The following FOXP2 variants were observed in gnomAD, a reference collection of about 807,000 sequenced individuals.
FOXP2 encodes forkhead box P2, also known as forkhead box protein P2.
FOXP2 carries 12 observed loss-of-function variants against 115.8 expected under a neutral mutation model. The observed-to-expected ratio is 0.10, with a 90% confidence interval of 0.07 to 0.17. The LOEUF is 0.17. FOXP2 is among the 10% of genes least tolerant of loss of function. The pLI is 1.00. For synonymous variants in FOXP2, 328 were observed against 297.7 expected (o/e 1.10, Z -1.05); for missense variants, 629 against 843.5 (o/e 0.75, Z 3.15).
At chr7:114,608,520 C>G (rs1043033873) in intron 3 of FOXP2, among the ~76,000 whole-genome samples, 5 of 152,152 alleles carry the variant, frequency 3.3e-5, no homozygotes, top group Non-Finnish European at 4.4e-5. Flanking sequence ...ATCTCATCAC[C>G]TGAGCTATAT....
At chr7:114,495,107 A>C (rs1048062800) in intron 2 of FOXP2, among the ~76,000 whole-genome samples, 3 of 152,198 alleles carry the variant, frequency 2.0e-5, no homozygotes, top group East Asian at 1.9e-4. Context: ...CCCTTACCAC[A>C]TACACAAACT....
intron 1 of FOXP2, among the ~76,000 whole-genome samples, chr7:114,267,667 C>G (rs1387200406): frequency 6.6e-6 from 1 of 150,772 alleles, no homozygotes; most frequent in African/African-American, 2.4e-5. Flanking sequence ...GCAGAGGTTG[C>G]GGTGAGCCAA....
chr7:114,169,202 A>G (rs1180736040), intron 1 of FOXP2, among the ~76,000 whole-genome samples: 3 of 152,206 alleles, frequency 2.0e-5, no homozygotes, highest in African/African-American at 7.2e-5. Context: ...CCCCCAGAAC[A>G]GTAGATCCAC....
intron 2 of FOXP2, among the ~76,000 whole-genome samples, chr7:114,435,918 A>T (rs2129209609): frequency 6.6e-6 from 1 of 152,294 alleles, no homozygotes; most frequent in East Asian, 1.9e-4. Flanking sequence ...TGGCAGATTT[A>T]TATTTTTGAA....
At chr7:114,371,366 A>G (rs1422911185) in intron 2 of FOXP2, among the ~76,000 whole-genome samples, 1 of 151,896 alleles carries the variant, frequency 6.6e-6, no homozygotes, top group Admixed American at 6.6e-5. Flanking sequence ...TATTACAGGC[A>G]TGAGCCACCG....
intron 1 of FOXP2, among the ~76,000 whole-genome samples, chr7:114,095,199 C>T (rs1230429197): frequency 6.6e-6 from 1 of 152,108 alleles, no homozygotes; most frequent in Admixed American, 6.5e-5. Context: ...ATAACTATTG[C>T]ATGATATTGG....
chr7:114,482,846 G>A (rs2129238354), intron 2 of FOXP2, among the ~76,000 whole-genome samples: 1 of 151,754 alleles, frequency 6.6e-6, no homozygotes, highest in South Asian at 2.1e-4. Context: ...TGGTTTTAAT[G>A]TTGCCACTCA....
chr7:114,273,418 G>A (rs529085901), intron 1 of FOXP2, among the ~76,000 whole-genome samples: 5 of 151,896 alleles, frequency 3.3e-5, no homozygotes, highest in East Asian at 1.9e-4. Flanking sequence ...GTATTCTGCT[G>A]GTATTATTGG....
rs555445893 is a variant in FOXP2, at chr7:114,352,062, G to A, written c.-11+63953G>A. 2.6e-5 allele frequency among the ~76,000 whole-genome samples: 4 copies of A among 151,910 alleles called. No homozygotes were observed. The South Asian group carries it at 8.3e-4, about 32-fold the overall frequency. ...TCAGATGGATTGCTTGAGTCCAGGA[G>A]TTCAAGACCAGCTGGGGCAACATGG... On this transcript the variant is annotated intron_variant, in intron 2 of 17. Transcript: ENST00000634411.
intron 2 of FOXP2, among the ~76,000 whole-genome samples, chr7:114,525,624 C>T (rs1392336225): frequency 2.0e-5 from 3 of 152,122 alleles, no homozygotes; most frequent in African/African-American, 4.8e-5. Context: ...GATAACCACA[C>T]CTCTTTATTT....
At chr7:114,433,428 T>C (rs895359253) in intron 2 of FOXP2, among the ~76,000 whole-genome samples, 6 of 151,996 alleles carry the variant, frequency 3.9e-5, no homozygotes, top group African/African-American at 9.7e-5. Flanking sequence ...TTCTCAAAAT[T>C]AGTTGAAAAA....
intron 16 of FOXP2, among the ~76,000 whole-genome samples, chr7:114,682,215 G>C (rs1433667700): frequency 6.6e-6 from 1 of 152,074 alleles, no homozygotes; most frequent in African/African-American, 2.4e-5. Context: ...TCAAACCCAA[G>C]TATTTTATCC....
intron 3 of FOXP2, among the ~76,000 whole-genome samples, chr7:114,628,026 T>C (rs1475364514): frequency 1.3e-5 from 2 of 152,074 alleles, no homozygotes; most frequent in Admixed American, 1.3e-4. Context: ...TACTTTATCA[T>C]GTGTATATAA....
chr7:114,245,568 T>C (rs1322777600), intron 1 of FOXP2, among the ~76,000 whole-genome samples: 1 of 152,252 alleles, frequency 6.6e-6, no homozygotes, highest in Non-Finnish European at 1.5e-5. Flanking sequence ...AGTTATGTTA[T>C]ATCATAGCCT....
chr7:114,386,519 C>T (rs1467709233), intron 2 of FOXP2, among the ~76,000 whole-genome samples: 2 of 152,142 alleles, frequency 1.3e-5, no homozygotes, highest in South Asian at 4.1e-4. Context: ...GAGGGTTTCT[C>T]CTGGGCACAA....
At chr7:114,566,828 A>G (rs1343366801) in intron 3 of FOXP2, among the ~76,000 whole-genome samples, 2 of 152,006 alleles carry the variant, frequency 1.3e-5, no homozygotes, top group East Asian at 3.8e-4. Flanking sequence ...GTTATATTAA[A>G]TAATTTAAAA....
At chr7:114,246,219 T>C (rs1350421678) in intron 1 of FOXP2, among the ~76,000 whole-genome samples, 1 of 152,156 alleles carries the variant, frequency 6.6e-6, no homozygotes, top group Non-Finnish European at 1.5e-5. Context: ...AAATACCACT[T>C]TGAATAAGAG....
intron 1 of FOXP2, among the ~76,000 whole-genome samples, chr7:114,171,862 C>A (rs1793150991): frequency 6.6e-6 from 1 of 152,074 alleles, no homozygotes; most frequent in Non-Finnish European, 1.5e-5. Flanking sequence ...GAAATGTGGT[C>A]AAAATATCAA....
At chr7:114,177,897 G>T (rs991131872) in intron 1 of FOXP2, among the ~76,000 whole-genome samples, 2 of 151,734 alleles carry the variant, frequency 1.3e-5, no homozygotes, top group African/African-American at 4.8e-5. Flanking sequence ...TAGATCTCTA[G>T]AACTTACTCC....
Sources: allele counts gnomAD v4.1 joint callset (sites outside exome capture counted in the v4.1 genomes callset), GRCh38; gene constraint gnomAD v4.1.1; transcripts MANE v1.5; gene names NCBI Gene and HGNC (gene_info 2026-07-23, HGNC 2026-07-21).